KLF7: variants seen among roughly 807,000 people sequenced by gnomAD.
KLF7 encodes the protein KLF transcription factor 7.
Under a neutral mutation model 27.3 loss-of-function variants are expected in KLF7, and 2 were observed. That is an observed-to-expected ratio of 0.07 (90% CI 0.03 to 0.23). The LOEUF is 0.23. Among genes scored for constraint, KLF7 ranks in the 10% least tolerant of loss-of-function variants. The pLI, the probability that KLF7 is intolerant of heterozygous loss-of-function variation, is 1.00. For missense variants in KLF7, 221 were observed against 394.1 expected (o/e 0.56, Z 3.72); for synonymous variants, 165 against 162.4 (o/e 1.02, Z -0.12).
Position 207,095,110 on chromosome 2 carries a change from G to A in KLF7, c.734-6529C>T, listed in dbSNP as rs1341633030. Among the ~76,000 whole-genome samples the A allele has an allele frequency of 1.4e-4, 18 of 131,928 alleles. No homozygotes were observed. The Admixed American group carries it at 1.5e-3, about 11-fold the overall frequency. The allele number at this position is 131,928 out of a possible 152,430, so 86.5% of individuals were successfully genotyped here. ...GGCTGGAGTGCAGTGGCGCGATCTC[G>A]GCTCACTGCAAGCTCCGCCTCCTGG... is the stretch of plus-strand genomic sequence containing the variant. On this transcript the variant is annotated intron_variant, in intron 2 of 3. Transcript: ENST00000309446.
chr2:207,167,492 C>T (rs202047184), upstream of KLF7, among the ~76,000 whole-genome samples: 8 of 152,284 alleles, frequency 5.3e-5, no homozygotes, highest in East Asian at 9.6e-4. Context: ...GATAACACAA[C>T]ATTTGAAAGA....
In KLF7 at chr2:207,107,687, G is replaced by A. The variant is rs534203418; in HGVS notation, c.733+16087C>T. 4.5e-4 allele frequency among the ~76,000 whole-genome samples: 69 copies of A among 152,182 alleles called. 1 individual carries two copies. The highest frequency in any genetic ancestry group is 1.2e-3 in the African/African-American group (51 of 41,524). On this transcript the variant is annotated intron_variant, in intron 2 of 3. Coordinates refer to ENST00000309446, the MANE Select transcript of KLF7 (RefSeq NM_003709.4). ...TTTGTGTGCAATTTCCTTCCCCCTC[G>A]TCACAGACCGCTATCTGCCAAATGC...
At chr2:207,150,952 G>A (rs1367726024) in intron 1 of KLF7, among the ~76,000 whole-genome samples, 1 of 135,050 alleles carries the variant, frequency 7.4e-6, no homozygotes, top group African/African-American at 2.6e-5. Flanking sequence ...TTCAACTGGA[G>A]GTTTGCCTGT....
intron 1 of KLF7, among the ~76,000 whole-genome samples, chr2:207,154,340 G>T (rs186961376): frequency 3.7e-4 from 57 of 152,084 alleles, no homozygotes; most frequent in Non-Finnish European, 6.5e-4. Context: ...CATAAGATAC[G>T]TAAGTCATAA....
chr2:207,130,185 T>C (rs1417471763), intron 1 of KLF7, among the ~76,000 whole-genome samples: 4 of 152,244 alleles, frequency 2.6e-5, no homozygotes, highest in Non-Finnish European at 4.4e-5. Flanking sequence ...CATGCCCATA[T>C]GCTCGAAACA....
chr2:207,148,970 C>T, intron 1 of KLF7: 2 of 1,101,470 alleles, frequency 1.8e-6, no homozygotes, highest in African/African-American at 1.7e-5. Flanking sequence ...ATATGATATA[C>T]CCAGTCATTA....
chr2:207,157,778 G>A (rs1477319651), intron 1 of KLF7, among the ~76,000 whole-genome samples: 2 of 152,240 alleles, frequency 1.3e-5, no homozygotes, highest in East Asian at 1.9e-4. Context: ...TTAGACTTCC[G>A]CTAATTAGAT....
intron 3 of KLF7, among the ~76,000 whole-genome samples, chr2:207,083,876 G>C (rs2076329515): frequency 6.6e-6 from 1 of 152,124 alleles, no homozygotes; most frequent in African/African-American, 2.4e-5. Flanking sequence ...ATAGCATCAT[G>C]AGCCAAGGAA....
chr2:207,083,744 T>G (rs2076326667), intron 3 of KLF7, among the ~76,000 whole-genome samples: 1 of 152,220 alleles, frequency 6.6e-6, no homozygotes. Context: ...ACAGGGAGAT[T>G]ATTCTGGATT....
At chr2:207,147,736 G>T (rs533482592) in intron 1 of KLF7, among the ~76,000 whole-genome samples, 1 of 152,200 alleles carries the variant, frequency 6.6e-6, no homozygotes, top group East Asian at 1.9e-4. Flanking sequence ...TACGTCTTAG[G>T]ATAGCTACAT....
At chr2:207,158,522 C>T (rs141160628) in intron 1 of KLF7, among the ~76,000 whole-genome samples, 137 of 152,306 alleles carry the variant, frequency 9.0e-4, no homozygotes, top group Admixed American at 1.9e-3. Context: ...CTTTCTACTT[C>T]CATCTAGTTC....
At chr2:207,097,295 T>C (rs954141032) in intron 2 of KLF7, among the ~76,000 whole-genome samples, 4 of 151,930 alleles carry the variant, frequency 2.6e-5, no homozygotes, top group African/African-American at 9.7e-5. Context: ...CCTATACTCA[T>C]GAAGATTCGA....
At chr2:207,142,287 A>G (rs1260588028) in intron 1 of KLF7, among the ~76,000 whole-genome samples, 2 of 152,172 alleles carry the variant, frequency 1.3e-5, no homozygotes, top group Non-Finnish European at 2.9e-5. Context: ...GCCTGGGGAG[A>G]AAAAGCTCTG....
intron 3 of KLF7, among the ~76,000 whole-genome samples, chr2:207,083,774 C>G (rs1350863452): frequency 2.6e-5 from 4 of 152,184 alleles, no homozygotes; most frequent in South Asian, 2.1e-4. Context: ...GGCTCAATGC[C>G]ATCACAACGG....
chr2:207,167,032 G>T (rs189081475), upstream of KLF7: 1 of 988,946 alleles, frequency 1.0e-6, no homozygotes, highest in East Asian at 3.3e-5. Flanking sequence ...ATTGCAAGGG[G>T]CCTGTTGCTC....
At chr2:207,157,518 G>A (rs886152122) in intron 1 of KLF7, among the ~76,000 whole-genome samples, 1 of 152,206 alleles carries the variant, frequency 6.6e-6, no homozygotes, top group Non-Finnish European at 1.5e-5. Flanking sequence ...CATGTGAAAA[G>A]GGGGGAACTT....
At chr2:207,096,229 T>G (rs2105894461) in intron 2 of KLF7, among the ~76,000 whole-genome samples, 1 of 152,290 alleles carries the variant, frequency 6.6e-6, no homozygotes, top group Middle Eastern at 3.4e-3. Context: ...TCCACCTTTG[T>G]GGAATCTCTC....
rs372187539 is a variant in KLF7, at chr2:207,165,701, A to G, written c.-133T>C. ...TGGCCCTTTTGTTTTGTTTTGTTTC[A>G]GTCAACTAAAAAGGAAAAAAAAAAA... On this transcript the variant is annotated 5_prime_UTR_variant, in exon 1 of 4. Coordinates refer to ENST00000309446, the MANE Select transcript of KLF7 (RefSeq NM_003709.4). 4.7e-5 allele frequency: 70 copies of G among 1,486,686 alleles called. No homozygotes were observed. In the African/African-American group the frequency reaches 8.7e-4, roughly 19 times the overall value. 92.1% of individuals were successfully genotyped at this position (1,486,686 alleles called of 1,614,324 possible). A position where few individuals can be genotyped will look rare whatever the true frequency, so the allele number is the denominator to read the frequency against.
At chr2:207,125,077 C>T (rs2077444318) in intron 1 of KLF7, among the ~76,000 whole-genome samples, 1 of 152,240 alleles carries the variant, frequency 6.6e-6, no homozygotes. Flanking sequence ...TGCTATATTA[C>T]TTTGTGGCAA....
Sources: gnomAD v4.1 joint callset for allele counts (sites outside exome capture counted in the v4.1 genomes callset) on GRCh38, gnomAD v4.1.1 for gene constraint, MANE v1.5 for transcripts, NCBI Gene and HGNC (gene_info 2026-07-23, HGNC 2026-07-21) for gene names.